Variants in KRT73 observed in about 807,000 individuals in gnomAD.
The protein encoded by KRT73 is keratin, type II cytoskeletal 73.
A neutral mutation model predicts 47.2 loss-of-function variants in KRT73; 44 were observed. The ratio of observed to expected loss-of-function variants is 0.93; its 90% CI spans 0.73 to 1.20. KRT73 has a LOEUF of 1.20. Among genes scored for constraint, KRT73 ranks in the 50% most tolerant of loss-of-function variants. The pLI is 0.00. For missense variants in KRT73, 713 were observed against 704.5 expected (o/e 1.01, Z -0.14); for synonymous variants, 285 against 291.3 (o/e 0.98, Z 0.22).
At position 52,611,194 on chromosome 12, in the gene KRT73, T is replaced by C. The variant is rs1394484661; in HGVS notation, c.1110+10A>G. 1.2e-6 allele frequency: 2 copies of C among 1,614,070 alleles called. No individual in the cohort carries two copies. The highest frequency in any genetic ancestry group is 3.3e-5 in the Admixed American group (2 of 60,016). ...TAGGAGTGAGTAAGGAAGGCTCCAG[T>C]CCCCTTCACCTGCTTCTTCACACTC... On this transcript the variant is annotated intron_variant, in intron 6 of 8. Coordinates refer to ENST00000305748, the MANE Select transcript of KRT73 (RefSeq NM_175068.3).
At chr12:52,613,557 C>A (rs963104215) in intron 5 of KRT73, 131 bp downstream of exon 5, 14 of 1,487,156 alleles carry the variant, frequency 9.4e-6, no homozygotes, top group Non-Finnish European at 1.2e-5. Flanking sequence ...CCTTTGGCTT[C>A]CCCCAGTGCC....
upstream of KRT73, among the ~76,000 whole-genome samples, chr12:52,622,010 G>A (rs1940915177): frequency 1.3e-5 from 2 of 152,186 alleles, no homozygotes; most frequent in South Asian, 4.1e-4. Flanking sequence ...AATGTCAGAA[G>A]AAGGCAGCCA....
At chr12:52,615,367 A>G in intron 2 of KRT73, 28 bp from the exon 3 acceptor site, 1 of 1,593,838 alleles carries the variant, frequency 6.3e-7, no homozygotes, top group Middle Eastern at 1.7e-4. Context: ...CAGGAAGCAG[A>G]GTGTGTGTCT....
intron 4 of KRT73, chr12:52,614,309 G>A (rs1940765406): frequency 2.4e-6 from 1 of 421,492 alleles, no homozygotes; most frequent in Admixed American, 4.1e-5. Flanking sequence ...AGAGAAGCAG[G>A]AATGAGAATA....
At position 52,610,647 on chromosome 12, in the gene KRT73, GGTGGCGATCTCAATAT is replaced by G; in HGVS notation, c.1283_1298del (p.Asp428AlafsTer21). 3 of 1,612,930 alleles carry G rather than the reference GGTGGCGATCTCAATAT, an allele frequency of 1.9e-6. No homozygotes were observed. The highest frequency in any genetic ancestry group is 2.5e-6 in the Non-Finnish European group (3 of 1,179,644). ...CCTCGCCCTCCAGCAGCTTGCGGTAGGTGGCGATCTCAATATCCAGGGACAGCTTCACGCTCAAAAG... is the reference window on the plus strand; with the variant it reads ...CCTCGCCCTCCAGCAGCTTGCGGTAGCCAGGGACAGCTTCACGCTCAAAAG... On this transcript the variant is annotated frameshift_variant, in exon 7 of 9. Transcript: ENST00000305748. LOFTEE classifies it high-confidence loss of function.
rs1280426776 is a variant in KRT73 at position 52,614,728 on chromosome 12, C to T, written c.724-54G>A. On this transcript the variant is annotated intron_variant, in intron 3 of 8. Transcript: ENST00000305748. ...CACCTTTCTTCAAGCCCAGACAGGCCTCTCCAGCGAACTGACACCTGCAGG... is the reference window on the plus strand; with the variant it reads ...CACCTTTCTTCAAGCCCAGACAGGCTTCTCCAGCGAACTGACACCTGCAGG... 4.1e-6 allele frequency: 6 copies of T among 1,477,904 alleles called. No homozygotes were observed. The Admixed American group carries it at 7.4e-5, about 18-fold the overall frequency. 91.5% of individuals were successfully genotyped at this position (1,477,904 alleles called of 1,614,324 possible). A position where few individuals can be genotyped will look rare whatever the true frequency, so the allele number is the denominator to read the frequency against.
At chr12:52,618,574 G>A, upstream of KRT73, 1 of 1,527,888 alleles carries the variant, frequency 6.5e-7, no homozygotes, top group South Asian at 1.3e-5. Context: ...TAGCTGAGAT[G>A]CAGTTCACCA....
intron 1 of KRT73, 40 bp from the exon 2 acceptor site, chr12:52,616,420 G>C: frequency 6.2e-7 from 1 of 1,609,220 alleles, no homozygotes; most frequent in Non-Finnish European, 8.5e-7. Context: ...ATGTGGAGAG[G>C]GGATGTGAGA....
rs760711415 is a variant in KRT73 at position 52,611,320 on chromosome 12, G to A, written c.994C>T (p.Leu332=). 2.7e-5 allele frequency: 43 copies of A among 1,614,038 alleles called. No homozygotes were observed. Among genetic ancestry groups the A allele is most frequent in the Middle Eastern group, 1.6e-4 (1 of 6,084 alleles). The change falls in exon 6 of 9, where the codon CTG becomes TTG. Residue 332 remains leucine (L), a synonymous_variant. Coordinates refer to ENST00000305748, the MANE Select transcript of KRT73 (RefSeq NM_175068.3). ...CCATGCCGGCCGGCTGCTAGCTGCA[G>A]CTCCTGGAACTAGAGGAAAAGGAAC... ...EALYQTKFQE[L]QLAAGRHGDD...
chr12:52,616,743 G>A (rs1355765363), intron 1 of KRT73, among the ~76,000 whole-genome samples: 1 of 152,168 alleles, frequency 6.6e-6, no homozygotes, highest in African/African-American at 2.4e-5. Context: ...GCTGGCCTGT[G>A]CTAGCCTTCA....
chr12:52,625,493 G>A, the KRT73 span, among the ~76,000 whole-genome samples: 3 of 152,136 alleles, frequency 2.0e-5, no homozygotes, highest in South Asian at 2.1e-4. Context: ...ACTACATGCT[G>A]GCAAGGACCC....
Position 52,608,224 on chromosome 12 carries a change from C to T in KRT73, c.1595G>A (p.Ser532Asn). ...TCTCATGGTTTTTTTGGTGGGTGAG[C>T]TTAGAGCTAAGGTCTTTCCCTGGGA... ...RDSQGKTLAL[S>N]SPTKKTMR Residue 532 changes from serine to asparagine, a missense_variant, in exon 9 of 9, where the codon AGC (serine) becomes AAC (asparagine). By Grantham distance (46) the Ser-to-Asn change is conservative. Transcript: ENST00000305748. The T allele has an allele frequency of 6.2e-7, 1 of 1,613,312 alleles. No homozygotes were observed.
intron 1 of KRT73, among the ~76,000 whole-genome samples, chr12:52,616,789 G>A (rs528139879): frequency 3.9e-5 from 6 of 152,208 alleles, no homozygotes; most frequent in East Asian, 1.9e-4. Flanking sequence ...CTGGTGGCCC[G>A]TGCTCTGCCT....
Position 52,607,901 on chromosome 12 carries a change from C to G in KRT73, c.*295G>C, listed in dbSNP as rs533665377. Reference sequence around the variant, plus strand: ...GATTGGGGTTACCCTTGAGAGACAGCCTTCCTCTGCACAGGGACATGCAGG... The same window carrying G: ...GATTGGGGTTACCCTTGAGAGACAGGCTTCCTCTGCACAGGGACATGCAGG... On this transcript the variant is annotated 3_prime_UTR_variant, in exon 9 of 9. Coordinates refer to ENST00000305748, the MANE Select transcript of KRT73 (RefSeq NM_175068.3). 1.5e-5 allele frequency: 5 copies of G among 326,148 alleles called. No homozygotes were observed. The highest frequency in any genetic ancestry group is 6.9e-5 in the South Asian group (1 of 14,510). The allele number at this position is 326,148 out of a possible 1,614,324, so 20.2% of individuals were successfully genotyped here.
At chr12:52,628,715 G>A in the KRT73 span, among the ~76,000 whole-genome samples, 1 of 152,298 alleles carries the variant, frequency 6.6e-6, no homozygotes, top group East Asian at 1.9e-4. Context: ...AGAGACAAGG[G>A]AGAAGGTGAC....
At chr12:52,615,184 G>A (rs1029740717) in intron 3 of KRT73, 95 bp downstream of exon 3, 3 of 1,046,530 alleles carry the variant, frequency 2.9e-6, no homozygotes, top group Non-Finnish European at 4.3e-6. Context: ...TTGGCTCCAG[G>A]CCCTTCTGCG....
the KRT73 span, among the ~76,000 whole-genome samples, chr12:52,628,388 T>C: frequency 8.0e-6 from 1 of 125,392 alleles, no homozygotes; most frequent in Non-Finnish European, 1.8e-5. Context: ...TCCCCATAGA[T>C]CTTCCTCTCT....
At chr12:52,608,699 A>G (rs776927580) in intron 8 of KRT73, among the ~76,000 whole-genome samples, 3 of 152,232 alleles carry the variant, frequency 2.0e-5, no homozygotes, top group Non-Finnish European at 4.4e-5. Flanking sequence ...GGCTTTCCCC[A>G]GGGGACAGAT....
At chr12:52,608,542 T>A in intron 8 of KRT73, 90 bp from the exon 9 acceptor site, 1 of 1,152,526 alleles carries the variant, frequency 8.7e-7, no homozygotes, top group Non-Finnish European at 1.2e-6. Context: ...CCCACTAGCT[T>A]AAATACCTCC....
Sources: gnomAD v4.1 joint callset for allele counts (sites outside exome capture counted in the v4.1 genomes callset) on GRCh38, gnomAD v4.1.1 for gene constraint, MANE v1.5 for transcripts, NCBI Gene and HGNC (gene_info 2026-07-23, HGNC 2026-07-21) for gene names.